The following DCBLD2 variants were observed in gnomAD, a reference collection of about 807,000 sequenced individuals.
DCBLD2 encodes discoidin, CUB and LCCL domain-containing protein 2.
Under a neutral mutation model 86.8 loss-of-function variants are expected in DCBLD2, and 54 were observed. The ratio of observed to expected loss-of-function variants is 0.62; its 90% CI spans 0.50 to 0.78. The LOEUF is 0.78. DCBLD2 is among the 30% of genes least tolerant of loss of function. The probability of loss-of-function intolerance (pLI) is 0.00; values close to 1 mark genes in which losing one functional copy is unlikely to be tolerated. For synonymous variants in DCBLD2, 354 were observed against 341.3 expected (o/e 1.04, Z -0.41); for missense variants, 908 against 954.2 (o/e 0.95, Z 0.64).
At chr3:98,800,275 T>C (rs1255772301) in intron 15 of DCBLD2, among the ~76,000 whole-genome samples, 1 of 152,190 alleles carries the variant, frequency 6.6e-6, no homozygotes, top group African/African-American at 2.4e-5. Flanking sequence ...GGATAAACAC[T>C]GTAAGGCTTC....
intron 2 of DCBLD2, among the ~76,000 whole-genome samples, chr3:98,858,220 G>A (rs2107494185): frequency 6.6e-6 from 1 of 152,350 alleles, no homozygotes. Context: ...CACTCCGAGT[G>A]TGGGGCCTGC....
chr3:98,803,458 G>A (rs1184214948), intron 13 of DCBLD2, among the ~76,000 whole-genome samples: 1 of 152,162 alleles, frequency 6.6e-6, no homozygotes, highest in Non-Finnish European at 1.5e-5. Context: ...AGATGATGGG[G>A]TTTTCTAAAT....
At chr3:98,866,593 A>T (rs1317797013) in intron 2 of DCBLD2, among the ~76,000 whole-genome samples, 1 of 152,122 alleles carries the variant, frequency 6.6e-6, no homozygotes, top group Non-Finnish European at 1.5e-5. Context: ...TTCTTTGTAG[A>T]TTCTCAATAT....
At chr3:98,836,555 C>G (rs1454841679) in intron 3 of DCBLD2, among the ~76,000 whole-genome samples, 1 of 151,550 alleles carries the variant, frequency 6.6e-6, no homozygotes, top group African/African-American at 2.4e-5. Flanking sequence ...TCCCGCCTTT[C>G]TATTCCACAA....
intron 3 of DCBLD2, among the ~76,000 whole-genome samples, chr3:98,834,698 T>C (rs1279748174): frequency 4.0e-5 from 6 of 151,430 alleles, no homozygotes; most frequent in South Asian, 2.1e-4. Flanking sequence ...CACTCATCCA[T>C]TGATGGATAC....
intron 2 of DCBLD2, among the ~76,000 whole-genome samples, chr3:98,871,514 C>T (rs183475004): frequency 1.7e-3 from 251 of 152,076 alleles, no homozygotes; most frequent in Admixed American, 6.5e-3. Flanking sequence ...TTATCAAATG[C>T]TTTTTCTTCA....
chr3:98,841,042 C>T (rs1942610701), intron 3 of DCBLD2, among the ~76,000 whole-genome samples: 3 of 152,142 alleles, frequency 2.0e-5, no homozygotes, highest in Non-Finnish European at 2.9e-5. Flanking sequence ...GTTGAATATA[C>T]ACTAGTCTTC....
At chr3:98,892,663 T>C (rs2107531535) in intron 1 of DCBLD2, among the ~76,000 whole-genome samples, 1 of 152,258 alleles carries the variant, frequency 6.6e-6, no homozygotes, top group Admixed American at 6.5e-5. Flanking sequence ...CTAGCTGCAT[T>C]CCTGCCTTCC....
intron 1 of DCBLD2, among the ~76,000 whole-genome samples, chr3:98,898,926 C>T (rs1450707882): frequency 1.3e-5 from 2 of 152,052 alleles, no homozygotes; most frequent in Non-Finnish European, 1.5e-5. Context: ...CTATTTTAAG[C>T]TTTTCCCTTT....
intron 15 of DCBLD2, 122 bp downstream of exon 15, chr3:98,800,457 T>C (rs1028078145): frequency 1.7e-6 from 2 of 1,143,964 alleles, no homozygotes; most frequent in Non-Finnish European, 2.4e-6. Context: ...GTTCTACCTT[T>C]AGGAAACAAT....
At chr3:98,831,358 CTT>C (rs1030198964) in intron 3 of DCBLD2, among the ~76,000 whole-genome samples, 2 of 152,016 alleles carry the variant, frequency 1.3e-5, no homozygotes, top group African/African-American at 4.8e-5. Flanking sequence ...GCCCTTCTCT[CTT>C]CTTTATTAAT....
intron 2 of DCBLD2, among the ~76,000 whole-genome samples, chr3:98,865,320 A>G (rs1421313805): frequency 2.0e-5 from 3 of 152,168 alleles, no homozygotes; most frequent in Non-Finnish European, 4.4e-5. Flanking sequence ...TTCTAACAAC[A>G]TGGATGAAAC....
At chr3:98,862,053 C>A (rs900685900) in intron 2 of DCBLD2, among the ~76,000 whole-genome samples, 2 of 152,040 alleles carry the variant, frequency 1.3e-5, no homozygotes, top group African/African-American at 4.8e-5. Context: ...CACCACCGAT[C>A]CCACAGAGAT....
At chr3:98,859,535 G>A (rs1214843006) in intron 2 of DCBLD2, among the ~76,000 whole-genome samples, 3 of 152,214 alleles carry the variant, frequency 2.0e-5, no homozygotes, top group Non-Finnish European at 4.4e-5. Context: ...AGCTTCCAGA[G>A]GAATGATCAG....
At chr3:98,848,827 T>C (rs1469600314) in intron 3 of DCBLD2, among the ~76,000 whole-genome samples, 1 of 152,206 alleles carries the variant, frequency 6.6e-6, no homozygotes, top group East Asian at 1.9e-4. Flanking sequence ...CTGTGAATAA[T>C]AATGTTTTAA....
chr3:98,850,426 G>A (rs563590700), intron 2 of DCBLD2, among the ~76,000 whole-genome samples: 37 of 152,276 alleles, frequency 2.4e-4, no homozygotes, highest in African/African-American at 7.2e-4. Flanking sequence ...GTCCTGGGCC[G>A]CATGTGGCCT....
At chr3:98,862,629 A>G (rs908798150) in intron 2 of DCBLD2, among the ~76,000 whole-genome samples, 2 of 152,240 alleles carry the variant, frequency 1.3e-5, no homozygotes, top group African/African-American at 2.4e-5. Flanking sequence ...CACATTGATT[A>G]TCTCAATAGA....
At chr3:98,839,171 C>T (rs1392584857) in intron 3 of DCBLD2, among the ~76,000 whole-genome samples, 1 of 48,280 alleles carries the variant, frequency 2.1e-5, no homozygotes, top group African/African-American at 7.6e-5. Context: ...TTCTTTCTTT[C>T]CTTTCTTTCT....
intron 1 of DCBLD2, among the ~76,000 whole-genome samples, chr3:98,884,626 A>C (rs1378484413): frequency 6.6e-6 from 1 of 152,098 alleles, no homozygotes; most frequent in East Asian, 1.9e-4. Context: ...AACTAGTCTG[A>C]AATGCCCTTA....
Sources: allele counts gnomAD v4.1 joint callset (sites outside exome capture counted in the v4.1 genomes callset), GRCh38; gene constraint gnomAD v4.1.1; transcripts MANE v1.5; gene names NCBI Gene and HGNC (gene_info 2026-07-23, HGNC 2026-07-21).